The following TNNI3K variants were observed in gnomAD, a reference collection of about 807,000 sequenced individuals.
TNNI3K encodes serine/threonine-protein kinase TNNI3K.
Under a neutral mutation model 114.5 loss-of-function variants are expected in TNNI3K, and 140 were observed. The observed-to-expected ratio is 1.22, with a 90% CI of 1.07 to 1.41. The LOEUF is 1.41. Ranked by LOEUF, TNNI3K falls within the 40% of genes most tolerant of loss-of-function variation. The probability of loss-of-function intolerance (pLI) is 0.00; values close to 1 mark genes in which losing one functional copy is unlikely to be tolerated. For synonymous variants in TNNI3K, 347 were observed against 347.5 expected (o/e 1.00, Z 0.02); for missense variants, 1,125 against 1,007.6 (o/e 1.12, Z -1.58).
intron 17 of TNNI3K, among the ~76,000 whole-genome samples, chr1:74,421,382 A>C (rs1665386845): frequency 6.6e-6 from 1 of 152,180 alleles, no homozygotes; most frequent in South Asian, 2.1e-4. Flanking sequence ...TTTGCAAATT[A>C]CTAAAAGGTC....
chr1:74,474,164 T>C (rs1668070944), intron 21 of TNNI3K, among the ~76,000 whole-genome samples: 1 of 152,154 alleles, frequency 6.6e-6, no homozygotes, highest in Non-Finnish European at 1.5e-5. Flanking sequence ...CCTTCAGTTA[T>C]AGGAGTTTCC....
intron 17 of TNNI3K, among the ~76,000 whole-genome samples, chr1:74,395,594 A>AGTGT (rs1664035752): frequency 6.6e-6 from 1 of 152,140 alleles, no homozygotes; most frequent in African/African-American, 2.4e-5. Context: ...TCAGAGGTTG[A>AGTGT]GTGTGTGTGA....
At chr1:74,263,765 C>T (rs1334602677) in intron 4 of TNNI3K, among the ~76,000 whole-genome samples, 1 of 151,764 alleles carries the variant, frequency 6.6e-6, no homozygotes, top group African/African-American at 2.4e-5. Context: ...ACAGCATTGT[C>T]CTATCTTTTT....
chr1:74,504,490 C>G (rs566681796), intron 23 of TNNI3K, among the ~76,000 whole-genome samples: 2 of 152,206 alleles, frequency 1.3e-5, no homozygotes, highest in South Asian at 4.2e-4. Context: ...TAAAACCACC[C>G]TTAGTTTGAA....
intron 20 of TNNI3K, among the ~76,000 whole-genome samples, chr1:74,440,654 CAT>C: frequency 6.6e-6 from 1 of 152,166 alleles, no homozygotes; most frequent in Middle Eastern, 3.4e-3. Flanking sequence ...GTGCTCTGTG[CAT>C]AGTTTGTTAA....
chr1:74,511,630 T>A lies in TNNI3K; in HGVS notation c.2351+19364T>A, dbSNP rs769074805. Among the ~76,000 whole-genome samples the A allele has an allele frequency of 5.3e-4, 80 of 152,180 alleles. 1 individual carries two copies. Among genetic ancestry groups the A allele is most frequent in the Admixed American group, 1.6e-3 (25 of 15,276 alleles). On this transcript the variant is annotated intron_variant, in intron 23 of 24. Coordinates refer to ENST00000326637, the MANE Select transcript of TNNI3K (RefSeq NM_015978.3). ...GTAGTAAATATTGGACACCCAATGATGGATTAGAGATCTCTTCAGTCCTGG... is the reference window on the plus strand; with the variant it reads ...GTAGTAAATATTGGACACCCAATGAAGGATTAGAGATCTCTTCAGTCCTGG...
chr1:74,515,487 AG>A (rs1467758801), intron 23 of TNNI3K, among the ~76,000 whole-genome samples: 3 of 152,230 alleles, frequency 2.0e-5, no homozygotes, highest in Admixed American at 6.5e-5. Context: ...ATACTAGGAA[AG>A]GGTGTGCTAT....
rs757477857 is a variant in TNNI3K at position 74,353,971 on chromosome 1, C to T, written c.1028-9C>T. 5 of 1,594,416 alleles carry T rather than the reference C, an allele frequency of 3.1e-6. No homozygotes were observed. The highest frequency in any genetic ancestry group is 1.1e-5 in the South Asian group (1 of 87,044). On this transcript the variant is annotated splice_polypyrimidine_tract_variant and intron_variant, in intron 10 of 24. Transcript: ENST00000326637. Reference sequence around the variant, plus strand: ...CTCCTTTTGTTCTTTCAATTCTTTTCTATTACAGGATTACACTCTGCTTGC... The same window carrying T: ...CTCCTTTTGTTCTTTCAATTCTTTTTTATTACAGGATTACACTCTGCTTGC...
intron 5 of TNNI3K, among the ~76,000 whole-genome samples, chr1:74,310,391 T>G (rs1252235369): frequency 2.0e-5 from 3 of 152,302 alleles, no homozygotes; most frequent in Non-Finnish European, 4.4e-5. Context: ...ATGTCCATAC[T>G]GCTCCAAGCA....
intron 20 of TNNI3K, among the ~76,000 whole-genome samples, chr1:74,446,988 T>C (rs1399076683): frequency 1.0e-5 from 1 of 95,682 alleles, no homozygotes; most frequent in Non-Finnish European, 2.1e-5. Context: ...GCCTCCAGCT[T>C]TGTTCTTTTG....
intron 23 of TNNI3K, among the ~76,000 whole-genome samples, chr1:74,509,387 T>G (rs575381412): frequency 6.6e-6 from 1 of 152,350 alleles, no homozygotes; most frequent in East Asian, 1.9e-4. Context: ...ATTGTGAATG[T>G]GGCTGCTGAA....
At chr1:74,283,700 G>A (rs971773870) in intron 5 of TNNI3K, among the ~76,000 whole-genome samples, 2 of 152,032 alleles carry the variant, frequency 1.3e-5, no homozygotes, top group Non-Finnish European at 2.9e-5. Flanking sequence ...GTGTTAATTT[G>A]CATCCTTATG....
intron 17 of TNNI3K, among the ~76,000 whole-genome samples, chr1:74,409,742 C>T (rs1046971336): frequency 4.6e-5 from 7 of 152,136 alleles, no homozygotes; most frequent in African/African-American, 1.7e-4. Flanking sequence ...GATCCACCCA[C>T]CTTGGCCACC....
chr1:74,410,418 T>C (rs188072350), intron 17 of TNNI3K, among the ~76,000 whole-genome samples: 1 of 152,292 alleles, frequency 6.6e-6, no homozygotes, highest in African/African-American at 2.4e-5. Context: ...TTTCCACTAC[T>C]CCAGGCTCCC....
intron 4 of TNNI3K, among the ~76,000 whole-genome samples, chr1:74,251,137 AG>A (rs1178049004): frequency 6.6e-6 from 1 of 152,144 alleles, no homozygotes; most frequent in African/African-American, 2.4e-5. Context: ...GAGAGAGATG[AG>A]GTTGTATTTA....
intron 17 of TNNI3K, among the ~76,000 whole-genome samples, chr1:74,434,735 C>T (rs1412532475): frequency 2.0e-5 from 3 of 151,836 alleles, no homozygotes; most frequent in Non-Finnish European, 4.4e-5. Context: ...TGTTTGACAT[C>T]CTGGAATACT....
chr1:74,263,337 C>T (rs573066294), intron 4 of TNNI3K, among the ~76,000 whole-genome samples: 1 of 152,106 alleles, frequency 6.6e-6, no homozygotes, highest in East Asian at 1.9e-4. Flanking sequence ...TGTTTGTAAT[C>T]TCTGATAGTA....
chr1:74,457,600 T>C (rs1044774515), intron 20 of TNNI3K, among the ~76,000 whole-genome samples: 1 of 152,122 alleles, frequency 6.6e-6, no homozygotes, highest in Non-Finnish European at 1.5e-5. Context: ...ATAAACACAA[T>C]CAAAGTTGAA....
chr1:74,412,719 ATT>A (rs1446415827), intron 17 of TNNI3K, among the ~76,000 whole-genome samples: 17 of 152,094 alleles, frequency 1.1e-4, no homozygotes, highest in Admixed American at 7.2e-4. Context: ...GGTTCCAGCA[ATT>A]CTCGTCCCTC....
Sources: gnomAD v4.1 joint callset for allele counts (sites outside exome capture counted in the v4.1 genomes callset) on GRCh38, gnomAD v4.1.1 for gene constraint, MANE v1.5 for transcripts, NCBI Gene and HGNC (gene_info 2026-07-23, HGNC 2026-07-21) for gene names.